PDE12: variants seen among roughly 807,000 people sequenced by gnomAD.
PDE12 encodes the protein phosphodiesterase 12, also known as 2',5'-phosphodiesterase 12.
A neutral mutation model predicts 45.4 loss-of-function variants in PDE12; 26 were observed. The observed-to-expected ratio is 0.57, with a 90% CI of 0.42 to 0.79. PDE12 has a LOEUF of 0.79. PDE12 is among the 30% of genes least tolerant of loss of function. PDE12 has a pLI of 0.00. For missense variants in PDE12, 668 were observed against 790.0 expected (o/e 0.85, Z 1.85); for synonymous variants, 283 against 323.9 (o/e 0.87, Z 1.36).
At chr3:57,616,242 T>G in the PDE12 span, among the ~76,000 whole-genome samples, 7 of 152,002 alleles carry the variant, frequency 4.6e-5, no homozygotes, top group African/African-American at 1.7e-4. Context: ...CAGAATCACT[T>G]GAGCCCAGCA....
the PDE12 span, among the ~76,000 whole-genome samples, chr3:57,575,077 C>T: frequency 1.3e-5 from 2 of 151,142 alleles, no homozygotes; most frequent in African/African-American, 2.4e-5. Flanking sequence ...CTCAAACTCC[C>T]GACCTCAGAT....
the PDE12 span, among the ~76,000 whole-genome samples, chr3:57,598,698 G>A: frequency 4.3e-3 from 651 of 152,170 alleles, 1 homozygote; most frequent in Middle Eastern, 0.031. Flanking sequence ...GAAGAATGGC[G>A]TGAACCCGGG....
At chr3:57,654,723 AC>A in the PDE12 span, 693 of 985,096 alleles carry the variant, frequency 7.0e-4, no homozygotes, top group Non-Finnish European at 7.8e-4. Context: ...CATGGAATAG[AC>A]CTTGACCTAG....
At chr3:57,585,932 G>C in the PDE12 span, among the ~76,000 whole-genome samples, 2 of 152,118 alleles carry the variant, frequency 1.3e-5, no homozygotes, top group Admixed American at 6.6e-5. Flanking sequence ...AAAGTGCTGT[G>C]ATTACAGATG....
At chr3:57,621,440 C>G in the PDE12 span, among the ~76,000 whole-genome samples, 1 of 151,900 alleles carries the variant, frequency 6.6e-6, no homozygotes, top group Non-Finnish European at 1.5e-5. Context: ...GAGGCTGAGG[C>G]AGATGGATCA....
the PDE12 span, among the ~76,000 whole-genome samples, chr3:57,646,044 T>A: frequency 6.6e-6 from 1 of 152,292 alleles, no homozygotes; most frequent in South Asian, 2.1e-4. Flanking sequence ...AAGTAATATT[T>A]ATCAAGGAAC....
the PDE12 span, chr3:57,633,119 T>A: frequency 6.0e-6 from 4 of 667,348 alleles, no homozygotes; most frequent in East Asian, 1.1e-4. Flanking sequence ...AATCCAGGTC[T>A]CTTGCAAAGG....
chr3:57,653,915 G>A, the PDE12 span, among the ~76,000 whole-genome samples: 3 of 146,494 alleles, frequency 2.0e-5, no homozygotes, highest in Non-Finnish European at 4.5e-5. Flanking sequence ...AAACAGCCAT[G>A]CCTTGGGAAA....
chr3:57,594,281 A>G, the PDE12 span, among the ~76,000 whole-genome samples: 4 of 152,350 alleles, frequency 2.6e-5, no homozygotes, highest in East Asian at 7.7e-4. Flanking sequence ...ATTTTTTTCA[A>G]ATAGATACGG....
At chr3:57,602,914 A>C in the PDE12 span, among the ~76,000 whole-genome samples, 1 of 151,896 alleles carries the variant, frequency 6.6e-6, no homozygotes, top group Admixed American at 6.6e-5. Context: ...GGCCAGGTGC[A>C]GTGGCTCATG....
chr3:57,595,072 C>G, the PDE12 span, among the ~76,000 whole-genome samples: 3 of 152,196 alleles, frequency 2.0e-5, no homozygotes, highest in Non-Finnish European at 4.4e-5. Flanking sequence ...AAATCCTCCA[C>G]ACAAATGCAG....
the PDE12 span, among the ~76,000 whole-genome samples, chr3:57,594,745 G>A: frequency 6.6e-6 from 1 of 152,132 alleles, no homozygotes; most frequent in Non-Finnish European, 1.5e-5. Flanking sequence ...AAAGAAAAAC[G>A]AAGCACACTA....
chr3:57,575,766 A>G, the PDE12 span: 2 of 1,289,438 alleles, frequency 1.6e-6, no homozygotes, highest in East Asian at 5.2e-5. Context: ...CATTAAATAC[A>G]TTATTAAACA....
the PDE12 span, among the ~76,000 whole-genome samples, chr3:57,605,501 C>T: frequency 6.6e-6 from 1 of 152,116 alleles, no homozygotes; most frequent in Admixed American, 6.6e-5. Context: ...TCTTGCCTCA[C>T]TGATGAAGAA....
the PDE12 span, among the ~76,000 whole-genome samples, chr3:57,578,724 C>G: frequency 3.3e-5 from 5 of 152,166 alleles, no homozygotes; most frequent in Admixed American, 6.5e-5. Flanking sequence ...AGTGATCCAC[C>G]CATCTTGGCC....
the PDE12 span, among the ~76,000 whole-genome samples, chr3:57,589,070 C>T: frequency 6.6e-6 from 1 of 150,488 alleles, no homozygotes; most frequent in Non-Finnish European, 1.5e-5. Flanking sequence ...CCATTACACT[C>T]CAACCTGGGC....
At chr3:57,641,592 A>T in the PDE12 span, 2 of 1,384,966 alleles carry the variant, frequency 1.4e-6, no homozygotes, top group Non-Finnish European at 1.9e-6. Flanking sequence ...AAGGATGAAA[A>T]GAAAGAAACC....
the PDE12 span, among the ~76,000 whole-genome samples, chr3:57,598,717 G>T: frequency 6.6e-6 from 1 of 152,094 alleles, no homozygotes; most frequent in Non-Finnish European, 1.5e-5. Context: ...GGAGGCGGAG[G>T]TTGCAGTGAG....
chr3:57,567,866 A>C (rs1448672178), downstream of PDE12, among the ~76,000 whole-genome samples: 1 of 151,994 alleles, frequency 6.6e-6, no homozygotes, highest in Non-Finnish European at 1.5e-5. Context: ...CAGGAATTCA[A>C]GACTAGCCTG....
Sources: gnomAD v4.1 joint callset for allele counts (sites outside exome capture counted in the v4.1 genomes callset) on GRCh38, gnomAD v4.1.1 for gene constraint, MANE v1.5 for transcripts, NCBI Gene and HGNC (gene_info 2026-07-23, HGNC 2026-07-21) for gene names.